Variants in TATDN1 observed in about 807,000 individuals in gnomAD.
The protein encoded by TATDN1 is deoxyribonuclease TATDN1.
TATDN1 carries 40 observed loss-of-function variants against 46.4 expected under a neutral mutation model. The observed-to-expected ratio is 0.86, with a 90% CI of 0.67 to 1.12. The LOEUF is 1.12. TATDN1 is among the 50% of genes most tolerant of loss of function. The pLI, the probability that TATDN1 is intolerant of heterozygous loss-of-function variation, is 0.00. For synonymous variants in TATDN1, 95 were observed against 105.6 expected, an observed-to-expected ratio of 0.90 and a Z score of 0.62; for missense variants, 326 against 348.4, an observed-to-expected ratio of 0.94 and a Z score of 0.51.
rs374589644 is a variant in TATDN1, at chr8:124,493,967, A to T, written c.665-8T>A. 1.4e-5 allele frequency: 22 copies of T among 1,599,826 alleles called. No homozygotes were observed. The highest frequency in any genetic ancestry group is 3.4e-4 in the Middle Eastern group (2 of 5,816). Reference sequence around the variant, plus strand: ...CTCCACACCAAGGTGCATCTAGTTAAGCAAAGAAAGTGTCTCGTAAGGGGT... The same window carrying T: ...CTCCACACCAAGGTGCATCTAGTTATGCAAAGAAAGTGTCTCGTAAGGGGT... On this transcript the variant is annotated splice_polypyrimidine_tract_variant and splice_region_variant and intron_variant, in intron 10 of 11. Transcript: ENST00000276692.
intron 1 of TATDN1, among the ~76,000 whole-genome samples, chr8:124,532,472 C>T (rs758974450): frequency 1.5e-4 from 23 of 152,098 alleles, no homozygotes; most frequent in Non-Finnish European, 2.8e-4. Context: ...TTTATAGAGA[C>T]GAGGTTTCAC....
At chr8:124,525,816 T>C (rs1323432928) in intron 1 of TATDN1, among the ~76,000 whole-genome samples, 1 of 152,222 alleles carries the variant, frequency 6.6e-6, no homozygotes, top group East Asian at 1.9e-4. Flanking sequence ...ACATTAAGAC[T>C]CATGATGTAA....
rs185003729 is a variant in TATDN1 at position 124,518,634 on chromosome 8, A to G, written c.202+184T>C. ...ATTGAGCAGTATGAAACAGTTTTAT[A>G]AACATCTGATATACCAATGAGTACT... On this transcript the variant is annotated intron_variant, in intron 4 of 11. Coordinates refer to ENST00000276692, the MANE Select transcript of TATDN1 (RefSeq NM_032026.4). The G allele has an allele frequency of 2.7e-3, 1,526 of 567,070 alleles. 1 individual carries two copies. Among genetic ancestry groups the G allele is most frequent in the Non-Finnish European group, 3.9e-3 (1,250 of 316,698 alleles). The allele number at this position is 567,070 out of a possible 1,614,324, so 35.1% of individuals were successfully genotyped here. A position where few individuals can be genotyped will look rare whatever the true frequency, so the allele number is the denominator to read the frequency against.
intron 1 of TATDN1, 116 bp downstream of exon 1, chr8:124,538,909 C>A: frequency 8.1e-7 from 1 of 1,228,356 alleles, no homozygotes; most frequent in Non-Finnish European, 1.2e-6. Flanking sequence ...CTCCACTGAG[C>A]GGCCCTTTCA....
intron 5 of TATDN1, 25 bp from the exon 6 acceptor site, chr8:124,515,813 T>C: frequency 1.2e-6 from 2 of 1,613,600 alleles, no homozygotes; most frequent in Non-Finnish European, 1.7e-6. Context: ...AGAAGAATAA[T>C]TACTCCTAAC....
chr8:124,533,964 G>A (rs1821197716), intron 1 of TATDN1, among the ~76,000 whole-genome samples: 3 of 151,662 alleles, frequency 2.0e-5, no homozygotes, highest in African/African-American at 7.3e-5. Flanking sequence ...GGCTAACACA[G>A]TGAAACCCCG....
At chr8:124,517,087 T>G (rs971852328) in intron 4 of TATDN1, among the ~76,000 whole-genome samples, 21 of 152,210 alleles carry the variant, frequency 1.4e-4, no homozygotes, top group African/African-American at 5.1e-4. Context: ...AATGTTCTTA[T>G]ATATTTCAAA....
chr8:124,531,678 GA>G (rs1427792838), intron 1 of TATDN1, among the ~76,000 whole-genome samples: 1 of 152,166 alleles, frequency 6.6e-6, no homozygotes, highest in Admixed American at 6.5e-5. Context: ...GTAACTAAAT[GA>G]AATCAAGTTG....
intron 6 of TATDN1, among the ~76,000 whole-genome samples, chr8:124,511,607 A>G (rs1208686665): frequency 6.6e-6 from 1 of 152,146 alleles, no homozygotes; most frequent in Non-Finnish European, 1.5e-5. Flanking sequence ...TAAACTTTCC[A>G]TAAGTAGATC....
intron 1 of TATDN1, among the ~76,000 whole-genome samples, chr8:124,529,125 C>T (rs1219964621): frequency 6.6e-6 from 1 of 152,202 alleles, no homozygotes; most frequent in Non-Finnish European, 1.5e-5. Flanking sequence ...CTAGCCCACA[C>T]CCTTTTGTGA....
intron 8 of TATDN1, among the ~76,000 whole-genome samples, chr8:124,506,800 G>C (rs538954132): frequency 2.0e-5 from 3 of 152,208 alleles, no homozygotes; most frequent in African/African-American, 7.2e-5. Flanking sequence ...TCCTGAAATT[G>C]CATATGAATA....
chr8:124,532,991 G>A (rs377168515), intron 1 of TATDN1, among the ~76,000 whole-genome samples: 2 of 152,330 alleles, frequency 1.3e-5, no homozygotes, highest in East Asian at 3.9e-4. Flanking sequence ...AGTGGCTCAT[G>A]CCTGTAATCC....
rs777404035 is a variant in TATDN1, at chr8:124,488,686, C to T, written c.802G>A (p.Glu268Lys). The T allele has an allele frequency of 6.3e-7, 1 of 1,599,052 alleles. No individual in the cohort carries two copies. The highest frequency in any genetic ancestry group is 1.1e-5 in the South Asian group (1 of 90,376). Reference protein sequence around the residue: ...NEPCHIIQILEIMSAVRDEDP... With the variant: ...NEPCHIIQILKIMSAVRDEDP... ...TCATCTCTCACTGCTGACATTATCTCCAATATTTGACTAAAACAAAACAAA... is the reference window on the plus strand; with the variant it reads ...TCATCTCTCACTGCTGACATTATCTTCAATATTTGACTAAAACAAAACAAA... Residue 268 changes from glutamate to lysine, a missense_variant, in exon 12 of 12, where the codon GAG becomes AAG. By Grantham distance (56) the Glu-to-Lys change is moderately conservative. Coordinates refer to ENST00000276692, the MANE Select transcript of TATDN1 (RefSeq NM_032026.4).
chr8:124,504,538 A>C (rs990022558), intron 8 of TATDN1, 191 bp from the exon 9 acceptor site: 2 of 385,704 alleles, frequency 5.2e-6, no homozygotes, highest in African/African-American at 4.2e-5. Flanking sequence ...CATCATCTCC[A>C]GTGACATGAT....
chr8:124,519,021 C>A, intron 3 of TATDN1, 140 bp from the exon 4 acceptor site: 1 of 624,090 alleles, frequency 1.6e-6, no homozygotes, highest in Non-Finnish European at 2.9e-6. Flanking sequence ...TAAAATTCAG[C>A]TGGGAGATTA....
At chr8:124,493,659 G>T in intron 11 of TATDN1, 174 bp downstream of exon 11, 1 of 616,180 alleles carries the variant, frequency 1.6e-6, no homozygotes. Context: ...CAGTGAGAAT[G>T]GAACTTAAAC....
intron 1 of TATDN1, among the ~76,000 whole-genome samples, chr8:124,528,028 T>A (rs1323480690): frequency 6.6e-6 from 1 of 152,160 alleles, no homozygotes; most frequent in African/African-American, 2.4e-5. Flanking sequence ...AAAGAAAGTA[T>A]GATGGAGACT....
intron 11 of TATDN1, among the ~76,000 whole-genome samples, chr8:124,493,197 A>C (rs1212107189): frequency 6.6e-6 from 1 of 152,188 alleles, no homozygotes; most frequent in Non-Finnish European, 1.5e-5. Flanking sequence ...GTTTTTGTGA[A>C]TGTGTTATAA....
rs191436135 is a variant in TATDN1 at position 124,536,368 on chromosome 8, T to C, written c.22+2657A>G. Among the ~76,000 whole-genome samples the C allele has an allele frequency of 2.6e-5, 4 of 152,174 alleles. No homozygotes were observed. The South Asian group carries it at 6.2e-4, about 24-fold the overall frequency. ...CAATTCAAGACCAGCCTGAGCAACATAGCAGGACACAGTGGTCTACAAAAA... is the reference window on the plus strand; with the variant it reads ...CAATTCAAGACCAGCCTGAGCAACACAGCAGGACACAGTGGTCTACAAAAA... On this transcript the variant is annotated intron_variant, in intron 1 of 11. Coordinates refer to ENST00000276692, the MANE Select transcript of TATDN1 (RefSeq NM_032026.4).
Sources: gnomAD v4.1 joint callset for allele counts (sites outside exome capture counted in the v4.1 genomes callset) on GRCh38, gnomAD v4.1.1 for gene constraint, MANE v1.5 for transcripts, NCBI Gene and HGNC (gene_info 2026-07-23, HGNC 2026-07-21) for gene names.